Variants in KLHL40 observed in about 807,000 individuals in gnomAD.
KLHL40 encodes the protein kelch like family member 40.
In KLHL40, 44 loss-of-function variants were observed where a neutral mutation model predicts 49.7. The ratio of observed to expected loss-of-function variants is 0.89; its 90% CI spans 0.70 to 1.14. The LOEUF is 1.14. KLHL40 is among the 50% of genes most tolerant of loss of function. The pLI, the probability that KLHL40 is intolerant of heterozygous loss-of-function variation, is 0.00. For synonymous variants in KLHL40, 409 were observed against 365.2 expected, an observed-to-expected ratio of 1.12 and a Z score of -1.37; for missense variants, 892 against 850.3, an observed-to-expected ratio of 1.05 and a Z score of -0.61.
At position 42,688,348 on chromosome 3, in the gene KLHL40, G is replaced by T. The variant is rs1006420730; in HGVS notation, c.1313+46G>T. On this transcript the variant is annotated intron_variant, in intron 2 of 5. Coordinates refer to ENST00000287777, the MANE Select transcript of KLHL40 (RefSeq NM_152393.4). This position sits in a 1 kb window ranked among gnomAD's most constrained non-coding sequence, Gnocchi z 4.2. ...GCTGAGCTCCGTGGGGGTGAGTGGG[G>T]CATGGAGGCCGCAGCTGGTCTAGGG... 3.1e-6 allele frequency: 5 copies of T among 1,600,940 alleles called. No individual in the cohort carries two copies. The highest frequency in any genetic ancestry group is 3.4e-6 in the Non-Finnish European group (4 of 1,169,040).
In KLHL40 at chr3:42,685,854, C is replaced by T. The variant is rs779637973; in HGVS notation, c.236C>T (p.Pro79Leu). Residue 79 changes from proline to leucine, a missense_variant, in exon 1 of 6, where the codon CCG becomes CTG. Physicochemically the swap from Pro to Leu is moderately conservative, Grantham distance 98. Coordinates refer to ENST00000287777, the MANE Select transcript of KLHL40 (RefSeq NM_152393.4). ...GAGCTGCACCTGGAGGAGGTGTCCC[C>T]GGACGTGGTGGCCCAGGTGCTGCAC... ...AGELHLEEVS[P>L]DVVAQVLHYL... The T allele has an allele frequency of 2.7e-5, 44 of 1,613,030 alleles. No individual in the cohort carries two copies. In the Admixed American group the frequency reaches 5.0e-4, roughly 18 times the overall value.
At chr3:42,691,160 C>A (rs1697358939) in intron 5 of KLHL40, among the ~76,000 whole-genome samples, 155 bp downstream of exon 5, 1 of 152,152 alleles carries the variant, frequency 6.6e-6, no homozygotes, top group Non-Finnish European at 1.5e-5. Context: ...CCAACATACC[C>A]TGCTTGGCCG....
chr3:42,691,043 G>A (rs1575221921), intron 5 of KLHL40, 38 bp downstream of exon 5: 1 of 1,571,590 alleles, frequency 6.4e-7, no homozygotes, highest in African/African-American at 1.3e-5. Flanking sequence ...GGCATCATGA[G>A]CAAGGCTGAC....
At position 42,686,599 on chromosome 3, in the gene KLHL40, C is replaced by T. The variant is rs1251409080; in HGVS notation, c.981C>T (p.Gly327=). ...TCATCTTCATGATCAGTGAGGAGGG[C>T]GCTGTGGCCTACGATCCAGCAGCCA... ...QDLIFMISEE[G]AVAYDPAANE... Residue 327 remains glycine (G), a synonymous_variant, in exon 1 of 6, where the codon GGC becomes GGT. Coordinates refer to ENST00000287777, the MANE Select transcript of KLHL40 (RefSeq NM_152393.4). The T allele has an allele frequency of 2.5e-6, 4 of 1,614,070 alleles. No individual in the cohort carries two copies. Among genetic ancestry groups the T allele is most frequent in the African/African-American group, 2.7e-5 (2 of 75,026 alleles).
intron 1 of KLHL40, among the ~76,000 whole-genome samples, chr3:42,687,009 T>A (rs952625704): frequency 2.0e-5 from 3 of 152,222 alleles, no homozygotes; most frequent in Non-Finnish European, 4.4e-5. Flanking sequence ...TAGCCCCAAG[T>A]TGGCATATGT....
In KLHL40 at chr3:42,686,116, C is replaced by CG; in HGVS notation, c.499dup (p.Ala167GlyfsTer2). On this transcript the variant is annotated frameshift_variant, in exon 1 of 6. Coordinates refer to ENST00000287777, the MANE Select transcript of KLHL40 (RefSeq NM_152393.4). LOFTEE classifies it high-confidence loss of function. ...CTCACTTCACGCTGGTGGCGCGCGA[C>CG]GCTGACTTCCTCGGACTCTCGGCCG... is the stretch of plus-strand genomic sequence containing the variant. The CG allele has an allele frequency of 6.2e-7, 1 of 1,600,282 alleles. No homozygotes were observed. The highest frequency in any genetic ancestry group is 8.5e-7 in the Non-Finnish European group (1 of 1,179,286).
At position 42,692,019 on chromosome 3, in the gene KLHL40, AC is replaced by A; in HGVS notation, c.*30del. 7.2e-7 allele frequency: 1 copy of A among 1,388,880 alleles called. No individual in the cohort carries two copies. The highest frequency in any genetic ancestry group is 1.0e-6 in the Non-Finnish European group (1 of 975,606). The allele number at this position is 1,388,880 out of a possible 1,614,324, so 86.0% of individuals were successfully genotyped here. The stretch of plus-strand genomic sequence containing the variant: ...CCAGCTCAGGCAGACTGAACTAAGC[AC>A]CCCTCCCATCCTGCGACCCTCACTG... On this transcript the variant is annotated 3_prime_UTR_variant, in exon 6 of 6. Transcript: ENST00000287777.
At position 42,686,713 on chromosome 3, in the gene KLHL40, A is replaced by T. The variant is rs758011570; in HGVS notation, c.1095A>T (p.Gly365=). The T allele has an allele frequency of 1.2e-6, 2 of 1,612,794 alleles. No homozygotes were observed. Among genetic ancestry groups the T allele is most frequent in the African/African-American group, 2.7e-5 (2 of 74,928 alleles). The stretch of plus-strand genomic sequence containing the variant: ...AGGAGAACCAGGTCTTCGTGGCTGG[A>T]GGCCTCTTCTACAACGAAGACAACA... ...VTKENQVFVA[G]GLFYNEDNKE... The change falls in exon 1 of 6, where the codon GGA becomes GGT. Residue 365 remains glycine (G), a synonymous_variant. Coordinates refer to ENST00000287777, the MANE Select transcript of KLHL40 (RefSeq NM_152393.4).
In KLHL40 at chr3:42,686,624, A is replaced by C; in HGVS notation, c.1006A>C (p.Asn336His). ...CGCTGTGGCCTACGATCCAGCAGCC[A>C]ACGAGTGCTACTGTGCTTCCCTCTC... is the stretch of plus-strand genomic sequence containing the variant. ...EGAVAYDPAA[N>H]ECYCASLSNQ... The change falls in exon 1 of 6, where the codon AAC (asparagine) becomes CAC (histidine). Residue 336 changes from asparagine (N) to histidine (H), a missense_variant. Transcript: ENST00000287777. 6.2e-7 allele frequency: 1 copy of C among 1,614,084 alleles called. No individual in the cohort carries two copies. Among genetic ancestry groups the C allele is most frequent in the Non-Finnish European group, 8.5e-7 (1 of 1,180,034 alleles).
At position 42,691,973 on chromosome 3, in the gene KLHL40, C is replaced by A. The variant is rs760987187; in HGVS notation, c.1846C>A (p.Leu616Met). 1.9e-5 allele frequency: 30 copies of A among 1,608,962 alleles called. No homozygotes were observed. The East Asian group carries it at 6.5e-4, about 35-fold the overall frequency. The change falls in exon 6 of 6, where the codon CTG becomes ATG. Residue 616 changes from leucine (L) to methionine (M), a missense_variant. Physicochemically the swap from Leu to Met is conservative, Grantham distance 15. Coordinates refer to ENST00000287777, the MANE Select transcript of KLHL40 (RefSeq NM_152393.4). ...ATFLPVRLNV[L>M]CLTKM Reference sequence around the variant, plus strand: ...CTTCCTACCAGTGCGGCTCAATGTGCTGTGCCTGACTAAGATGTGACCAGC... The same window carrying A: ...CTTCCTACCAGTGCGGCTCAATGTGATGTGCCTGACTAAGATGTGACCAGC...
chr3:42,688,422 G>T lies in KLHL40; in HGVS notation c.1313+120G>T. Reference sequence around the variant, plus strand: ...AGCCTTGTGCTTAGAGTGAAGGTGGGCTTGGGTAAGGGCGGGGAGGTTGGG... The same window carrying T: ...AGCCTTGTGCTTAGAGTGAAGGTGGTCTTGGGTAAGGGCGGGGAGGTTGGG... On this transcript the variant is annotated intron_variant, in intron 2 of 5. Coordinates refer to ENST00000287777, the MANE Select transcript of KLHL40 (RefSeq NM_152393.4). This position sits in a 1 kb window ranked among gnomAD's most constrained non-coding sequence, Gnocchi z 4.2. 1 of 1,204,236 alleles carries T rather than the reference G, an allele frequency of 8.3e-7. No homozygotes were observed. Among genetic ancestry groups the T allele is most frequent in the Non-Finnish European group, 1.2e-6 (1 of 841,962 alleles). 74.6% of individuals were successfully genotyped at this position (1,204,236 alleles called of 1,614,324 possible).
chr3:42,685,766 G>T lies in KLHL40; in HGVS notation c.148G>T (p.Val50Leu), dbSNP rs1004240706. The T allele has an allele frequency of 6.2e-7, 1 of 1,612,340 alleles. No homozygotes were observed. Among genetic ancestry groups the T allele is most frequent in the Non-Finnish European group, 8.5e-7 (1 of 1,179,674 alleles). Residue 50 changes from valine to leucine, a missense_variant, in exon 1 of 6, where the codon GTG (valine) becomes TTG (leucine). Physicochemically the swap from Val to Leu is conservative, Grantham distance 32. Coordinates refer to ENST00000287777, the MANE Select transcript of KLHL40 (RefSeq NM_152393.4). ...GCGCGAGTTCCCGTGCCATCGCCTGGTGCTGGCCGCCTGCAGCCCCTACTT... is the reference window on the plus strand; with the variant it reads ...GCGCGAGTTCCCGTGCCATCGCCTGTTGCTGGCCGCCTGCAGCCCCTACTT... ...GEREFPCHRL[V>L]LAACSPYFRA...
chr3:42,690,496 C>T (rs561196669), intron 4 of KLHL40, among the ~76,000 whole-genome samples: 17 of 152,148 alleles, frequency 1.1e-4, no homozygotes, highest in African/African-American at 3.6e-4. Flanking sequence ...GCTGCAGGGG[C>T]CGCTGAGGGG....
In KLHL40 at chr3:42,688,201, C is replaced by G; in HGVS notation, c.1212C>G (p.Leu404=). The G allele has an allele frequency of 6.2e-7, 1 of 1,613,902 alleles. No individual in the cohort carries two copies. The highest frequency in any genetic ancestry group is 8.5e-7 in the Non-Finnish European group (1 of 1,179,994). The change falls in exon 2 of 6, where the codon CTC becomes CTG. Residue 404 remains leucine, a synonymous_variant. Transcript: ENST00000287777. The surrounding 1 kb of genome is among the most constrained non-coding windows in gnomAD (Gnocchi z 4.2). ...GMPPLPSPRC[L]FGLGEALNSI... ...CACCGCTGCCCTCGCCCCGCTGCCT[C>G]TTTGGCCTGGGAGAAGCTCTCAACT...
chr3:42,685,887 A>T lies in KLHL40; in HGVS notation c.269A>T (p.Tyr90Phe). ...GTGGCCCAGGTGCTGCACTACCTGT[A>T]CACATCAGAGATCGCGCTGGATGAG... ...DVVAQVLHYL[Y>F]TSEIALDEAS... Residue 90 changes from tyrosine to phenylalanine, a missense_variant, in exon 1 of 6, where the codon TAC (tyrosine) becomes TTC (phenylalanine). By Grantham distance (22) the Tyr-to-Phe change is conservative. Coordinates refer to ENST00000287777, the MANE Select transcript of KLHL40 (RefSeq NM_152393.4). The T allele has an allele frequency of 2.5e-6, 4 of 1,612,630 alleles. No homozygotes were observed. The highest frequency in any genetic ancestry group is 3.4e-6 in the Non-Finnish European group (4 of 1,179,990).
In KLHL40 at chr3:42,688,538, TG is replaced by T; in HGVS notation, c.1314-69del. The T allele has an allele frequency of 8.6e-7, 1 of 1,163,552 alleles. No individual in the cohort carries two copies. The highest frequency in any genetic ancestry group is 1.3e-6 in the Non-Finnish European group (1 of 782,688). 72.1% of individuals were successfully genotyped at this position (1,163,552 alleles called of 1,614,324 possible). On this transcript the variant is annotated intron_variant, in intron 2 of 5. Coordinates refer to ENST00000287777, the MANE Select transcript of KLHL40 (RefSeq NM_152393.4). This position sits in a 1 kb window ranked among gnomAD's most constrained non-coding sequence, Gnocchi z 4.2. ...AATATGTGTTAGGTGGATGGGCGGATGGGTGCAGAGACAGGGACTGAGCCGA... is the reference window on the plus strand; with the variant it reads ...AATATGTGTTAGGTGGATGGGCGGATGGTGCAGAGACAGGGACTGAGCCGA...
At chr3:42,689,739 C>A (rs1346336062) in intron 4 of KLHL40, among the ~76,000 whole-genome samples, 2 of 152,052 alleles carry the variant, frequency 1.3e-5, no homozygotes, top group Non-Finnish European at 1.5e-5. Flanking sequence ...TGAGGGGATG[C>A]ACCGGACAAA....
Position 42,686,275 on chromosome 3 carries a change from C to G in KLHL40, c.657C>G (p.Thr219=). The change falls in exon 1 of 6, where the codon ACC becomes ACG. Residue 219 remains threonine, a synonymous_variant. Transcript: ENST00000287777. ...CTGAGCGCCAGCGCGCGCTGCCCACCGTCTTCGAGAGCGTGCGCTGCCGCT... is the reference window on the plus strand; with the variant it reads ...CTGAGCGCCAGCGCGCGCTGCCCACGGTCTTCGAGAGCGTGCGCTGCCGCT... The part of the protein sequence containing the change: ...AQAERQRALP[T]VFESVRCRLL... The G allele has an allele frequency of 2.6e-6, 4 of 1,563,974 alleles. No homozygotes were observed. The highest frequency in any genetic ancestry group is 3.5e-6 in the Non-Finnish European group (4 of 1,154,486).
chr3:42,691,033 G>A (rs1217372659), intron 5 of KLHL40, 28 bp downstream of exon 5: 2 of 1,580,334 alleles, frequency 1.3e-6, no homozygotes, highest in African/African-American at 1.3e-5. Context: ...GAGGCAAGGG[G>A]GCATCATGAG....
Sources: allele counts gnomAD v4.1 joint callset (sites outside exome capture counted in the v4.1 genomes callset), GRCh38; gene constraint gnomAD v4.1.1; non-coding constraint Gnocchi (gnomAD v3.1); transcripts MANE v1.5; gene names NCBI Gene and HGNC (gene_info 2026-07-23, HGNC 2026-07-21).